Variants in LITAF observed in about 807,000 individuals in gnomAD.
LITAF encodes lipopolysaccharide induced TNF factor.
Under a neutral mutation model 14.5 loss-of-function variants are expected in LITAF, and 9 were observed. That is an observed-to-expected ratio of 0.62 (90% CI 0.37 to 1.08). The LOEUF (loss-of-function observed/expected upper bound fraction) is 1.08, where lower values mean the gene tolerates loss of function less well. Among genes scored for constraint, LITAF ranks in the 50% least tolerant of loss-of-function variants. The probability of loss-of-function intolerance (pLI) is 0.01; values close to 1 mark genes in which losing one functional copy is unlikely to be tolerated. For missense variants in LITAF, 206 were observed against 213.4 expected, an observed-to-expected ratio of 0.97 and a Z score of 0.22; for synonymous variants, 98 against 88.2, an observed-to-expected ratio of 1.11 and a Z score of -0.62.
intron 3 of LITAF, among the ~76,000 whole-genome samples, chr16:11,628,075 C>T (rs574180033): frequency 1.3e-5 from 2 of 151,650 alleles, no homozygotes; most frequent in East Asian, 3.9e-4. Flanking sequence ...AAGCACAGTC[C>T]TGCAGAACAC....
chr16:11,627,804 A>G (rs1427193585), intron 3 of LITAF, among the ~76,000 whole-genome samples: 1 of 152,174 alleles, frequency 6.6e-6, no homozygotes, highest in Non-Finnish European at 1.5e-5. Flanking sequence ...AGATTGTGCC[A>G]CTGTGCTCCA....
intron 3 of LITAF, among the ~76,000 whole-genome samples, chr16:11,609,980 A>C (rs1298954046): frequency 6.6e-6 from 1 of 152,196 alleles, no homozygotes; most frequent in Non-Finnish European, 1.5e-5. Context: ...TCAAGGCACC[A>C]AATGACCCCA....
At chr16:11,578,251 T>C (rs1435293773) in intron 1 of LITAF, among the ~76,000 whole-genome samples, 2 of 152,208 alleles carry the variant, frequency 1.3e-5, no homozygotes, top group African/African-American at 4.8e-5. Flanking sequence ...GCTGGACTCC[T>C]TGACTCTCTT....
chr16:11,559,439 T>C (rs1448755820), intron 1 of LITAF, among the ~76,000 whole-genome samples: 1 of 152,204 alleles, frequency 6.6e-6, no homozygotes, highest in South Asian at 2.1e-4. Flanking sequence ...AACTTGAATA[T>C]ATGAATCATT....
rs749605690 is a variant in LITAF at position 11,548,551 on chromosome 16, A to G, written c.*1086T>C. ...GGTGTTTAAGAATCACATTAACCCC[A>G]AGTAAAGGCAGTAGATGAAATTATC... is the stretch of plus-strand genomic sequence containing the variant. On this transcript the variant is annotated 3_prime_UTR_variant, in exon 4 of 4. Transcript: ENST00000622633. 7 of 453,358 alleles carry G rather than the reference A, an allele frequency of 1.5e-5. No individual in the cohort carries two copies. Among genetic ancestry groups the G allele is most frequent in the South Asian group, 9.3e-5 (6 of 64,248 alleles). 28.1% of individuals were successfully genotyped at this position (453,358 alleles called of 1,614,324 possible).
intron 1 of LITAF, among the ~76,000 whole-genome samples, chr16:11,577,456 T>C (rs749143195): frequency 6.6e-6 from 1 of 151,818 alleles, no homozygotes; most frequent in South Asian, 2.1e-4. Context: ...TAGCCGAGAT[T>C]ACAGGCACCC....
At chr16:11,639,465 G>A (rs551805889), upstream of LITAF, among the ~76,000 whole-genome samples, 1 of 149,760 alleles carries the variant, frequency 6.7e-6, no homozygotes, top group Admixed American at 6.6e-5. Context: ...ATGGGTGGGT[G>A]GATGGATGGA....
chr16:11,576,925 C>T (rs1006292882), intron 1 of LITAF, among the ~76,000 whole-genome samples: 2 of 152,146 alleles, frequency 1.3e-5, no homozygotes, highest in East Asian at 3.8e-4. Flanking sequence ...TTGAAAATTC[C>T]AGAAAACAGC....
intron 1 of LITAF, among the ~76,000 whole-genome samples, chr16:11,583,656 A>AG (rs2064770824): frequency 1.3e-5 from 2 of 152,222 alleles, no homozygotes; most frequent in African/African-American, 4.8e-5. Flanking sequence ...TGCATCATCT[A>AG]GGAATAACCT....
At chr16:11,615,707 G>T (rs2065015484) in intron 3 of LITAF, among the ~76,000 whole-genome samples, 2 of 152,138 alleles carry the variant, frequency 1.3e-5, no homozygotes, top group African/African-American at 2.4e-5. Context: ...AATAAAAAAA[G>T]AAAAGTGAAG....
chr16:11,587,948 C>G (rs1490174258), upstream of LITAF, among the ~76,000 whole-genome samples: 1 of 152,146 alleles, frequency 6.6e-6, no homozygotes, highest in Admixed American at 6.6e-5. Flanking sequence ...TCTTAGAACC[C>G]TCCGGTGCCC....
intron 3 of LITAF, among the ~76,000 whole-genome samples, chr16:11,616,813 G>A (rs2065022147): frequency 6.6e-6 from 1 of 151,544 alleles, no homozygotes; most frequent in South Asian, 2.1e-4. Context: ...TCAGGAGGCT[G>A]AGGCAGGAGG....
At chr16:11,591,341 T>G (rs777912495), upstream of LITAF, among the ~76,000 whole-genome samples, 1 of 111,366 alleles carries the variant, frequency 9.0e-6, no homozygotes, top group Non-Finnish European at 1.8e-5. Flanking sequence ...CGCACCACCA[T>G]GCCTAGCTAA....
intron 1 of LITAF, among the ~76,000 whole-genome samples, chr16:11,596,220 A>C (rs1028368414): frequency 2.6e-5 from 4 of 152,194 alleles, no homozygotes; most frequent in Non-Finnish European, 5.9e-5. Context: ...GCCGGATAGC[A>C]GGTGGGGCCT....
intron 1 of LITAF, among the ~76,000 whole-genome samples, chr16:11,574,261 C>G (rs566787988): frequency 3.5e-4 from 54 of 152,142 alleles, no homozygotes; most frequent in African/African-American, 1.3e-3. Context: ...AAGCTTGTCT[C>G]AAACTCCTGG....
chr16:11,608,342 G>A (rs911602794), intron 3 of LITAF, among the ~76,000 whole-genome samples: 3 of 152,210 alleles, frequency 2.0e-5, no homozygotes, highest in Non-Finnish European at 2.9e-5. Flanking sequence ...GGAACAAGTT[G>A]GATTCTACCG....
At chr16:11,573,073 C>T (rs151188295) in intron 1 of LITAF, among the ~76,000 whole-genome samples, 9,163 of 151,922 alleles carry the variant, frequency 0.06, 441 homozygotes, top group East Asian at 0.14. Context: ...GGACTACAGG[C>T]GTGTGCCACC....
At chr16:11,555,951 T>C (rs914429301) in intron 2 of LITAF, among the ~76,000 whole-genome samples, 5 of 152,196 alleles carry the variant, frequency 3.3e-5, no homozygotes, top group Non-Finnish European at 7.3e-5. Context: ...GCCCCCTCTC[T>C]GAGCTAAAGA....
chr16:11,577,997 A>C (rs150797637), intron 1 of LITAF, among the ~76,000 whole-genome samples: 2 of 151,546 alleles, frequency 1.3e-5, no homozygotes, highest in Non-Finnish European at 2.9e-5. Context: ...CTGGGCTCAA[A>C]TGATCCTCCC....
Sources: gnomAD v4.1 joint callset for allele counts (sites outside exome capture counted in the v4.1 genomes callset) on GRCh38, gnomAD v4.1.1 for gene constraint, MANE v1.5 for transcripts, NCBI Gene and HGNC (gene_info 2026-07-23, HGNC 2026-07-21) for gene names.